The following HEATR5A variants were observed in gnomAD, a reference collection of about 807,000 sequenced individuals.
HEATR5A encodes the protein HEAT repeat-containing protein 5A.
A neutral mutation model predicts 218.8 loss-of-function variants in HEATR5A; 178 were observed. The ratio of observed to expected loss-of-function variants is 0.81; its 90% CI spans 0.72 to 0.92. HEATR5A has a LOEUF of 0.92. Among genes scored for constraint, HEATR5A ranks in the 40% least tolerant of loss-of-function variants. The pLI is 0.00. For missense variants in HEATR5A, 2,420 were observed against 2,418.9 expected (o/e 1.00, Z -0.01); for synonymous variants, 864 against 871.6 (o/e 0.99, Z 0.15).
Position 31,367,422 on chromosome 14 carries a change from T to TG in HEATR5A, c.1962-3125dup, listed in dbSNP as rs528431876. 3.9e-3 allele frequency among the ~76,000 whole-genome samples: 589 copies of TG among 152,080 alleles called. 3 individuals are homozygous for TG. The highest frequency in any genetic ancestry group is 0.01 in the Middle Eastern group (3 of 294). ...TTATTTATTTATTTATTTTTTGAGA[T>TG]GGAGTCTCACTCTGTTACCCAGGCT... On this transcript the variant is annotated intron_variant, in intron 13 of 35. Transcript: ENST00000543095.
At chr14:31,391,298 C>T (rs957598640) in intron 6 of HEATR5A, among the ~76,000 whole-genome samples, 1 of 152,084 alleles carries the variant, frequency 6.6e-6, no homozygotes, top group African/African-American at 2.4e-5. Flanking sequence ...CACCACGTCC[C>T]GCTAATTTTT....
chr14:31,384,916 TAACC>T (rs1566777305), intron 9 of HEATR5A, among the ~76,000 whole-genome samples: 1 of 152,154 alleles, frequency 6.6e-6, no homozygotes, highest in African/African-American at 2.4e-5. Context: ...AGTGGGCTAC[TAACC>T]AACTAACTAC....
At chr14:31,406,147 G>C (rs1389228870) in intron 1 of HEATR5A, among the ~76,000 whole-genome samples, 1 of 152,118 alleles carries the variant, frequency 6.6e-6, no homozygotes, top group African/African-American at 2.4e-5. Context: ...TTCAGTCAAT[G>C]TTATCTGCTA....
rs1365567100 is a variant in HEATR5A at position 31,322,025 on chromosome 14, A to G, written c.3788-345T>C. 2.6e-5 allele frequency among the ~76,000 whole-genome samples: 4 copies of G among 152,230 alleles called. No homozygotes were observed. In the East Asian group the frequency reaches 7.7e-4, roughly 29 times the overall value. ...AGGAGACTTTGGGCTTTGACTAATT[A>G]AGCAGAAATTTATTTTCTTTATGTC... On this transcript the variant is annotated intron_variant, in intron 24 of 35. Transcript: ENST00000543095.
intron 11 of HEATR5A, among the ~76,000 whole-genome samples, chr14:31,375,731 C>A (rs989046628): frequency 2.0e-5 from 3 of 152,074 alleles, no homozygotes; most frequent in Non-Finnish European, 4.4e-5. Flanking sequence ...CTTCTGATAG[C>A]AACTTGTTCC....
In HEATR5A at chr14:31,337,472, T is replaced by C; in HGVS notation, c.3367+4A>G. 6.5e-7 allele frequency: 1 copy of C among 1,547,524 alleles called. No homozygotes were observed. The highest frequency in any genetic ancestry group is 2.4e-5 in the East Asian group (1 of 40,912). Reference sequence around the variant, plus strand: ...CTGGACATAATCTTGATCAAGAGAATTACCTGGAGTCAACTCTTCTCTGCT... The same window carrying C: ...CTGGACATAATCTTGATCAAGAGAACTACCTGGAGTCAACTCTTCTCTGCT... On this transcript the variant is annotated splice_donor_region_variant and intron_variant, in intron 22 of 35. Coordinates refer to ENST00000543095, the MANE Select transcript of HEATR5A (RefSeq NM_015473.4).
intron 2 of HEATR5A, 41 bp downstream of exon 2, chr14:31,402,809 G>A (rs1351923936): frequency 2.0e-6 from 3 of 1,528,328 alleles, no homozygotes; most frequent in East Asian, 2.5e-5. Context: ...AAGTAAACAT[G>A]GGCACTTAAA....
intron 16 of HEATR5A, among the ~76,000 whole-genome samples, chr14:31,351,307 C>T (rs1208393130): frequency 6.6e-6 from 1 of 151,984 alleles, no homozygotes; most frequent in Non-Finnish European, 1.5e-5. Flanking sequence ...GCCTGGGCAA[C>T]ACAGTGAGAC....
In HEATR5A at chr14:31,345,093, G is replaced by C. The variant is rs2139207596; in HGVS notation, c.3052C>G (p.Leu1018Val). Residue 1018 changes from leucine (L) to valine (V), a missense_variant, in exon 20 of 36, where the codon CTA becomes GTA. Physicochemically the swap from Leu to Val is conservative, Grantham distance 32 (BLOSUM62 1). Transcript: ENST00000543095. ...NALITTLGPE[L>V]QGNSTSISTL... ...CAAAAGCAGCTATGCACACCTTGTAGCTCTGGACCTAACGTGGTAATAAGG... is the reference window on the plus strand; with the variant it reads ...CAAAAGCAGCTATGCACACCTTGTACCTCTGGACCTAACGTGGTAATAAGG... The C allele has an allele frequency of 6.2e-7, 1 of 1,612,128 alleles. No individual in the cohort carries two copies. Among genetic ancestry groups the C allele is most frequent in the South Asian group, 1.1e-5 (1 of 90,738 alleles).
At chr14:31,373,000 G>A (rs1324383961) in intron 12 of HEATR5A, among the ~76,000 whole-genome samples, 1 of 148,318 alleles carries the variant, frequency 6.7e-6, no homozygotes, top group African/African-American at 2.5e-5. Flanking sequence ...ATACAGTGGT[G>A]CAACCACAAC....
Position 31,321,824 on chromosome 14 carries a change from TAG to T in HEATR5A, c.3788-146_3788-145del, listed in dbSNP as rs562982124. The T allele has an allele frequency of 3.8e-4, 244 of 637,904 alleles. 1 individual carries two copies. Among genetic ancestry groups the T allele is most frequent in the Non-Finnish European group, 5.9e-4 (218 of 371,768 alleles). 39.5% of individuals were successfully genotyped at this position (637,904 alleles called of 1,614,324 possible). ...TATACTGTTTTTGCTGTTTGTTAAA[TAG>T]AGACTTTAAAGCTGGATTTAATGTA... On this transcript the variant is annotated intron_variant, in intron 24 of 35. Coordinates refer to ENST00000543095, the MANE Select transcript of HEATR5A (RefSeq NM_015473.4).
rs774412391 is a variant in HEATR5A at position 31,350,643 on chromosome 14, T to C, written c.2486A>G (p.His829Arg). The change falls in exon 17 of 36, where the codon CAT becomes CGT. Residue 829 changes from histidine (H) to arginine (R), a missense_variant. Physicochemically the swap from His to Arg is conservative, Grantham distance 29. Transcript: ENST00000543095. ...GAAACTAGAAACTGAAGAAACAACA[T>C]GTAACTGAACCACTTGCTGACGAGC... Reference protein sequence around the residue: ...KGARQQVVQLHVVSSVSSFLK... With the variant: ...KGARQQVVQLRVVSSVSSFLK... 7 of 1,598,760 alleles carry C rather than the reference T, an allele frequency of 4.4e-6. No individual in the cohort carries two copies. The Admixed American group carries it at 8.6e-5, about 20-fold the overall frequency.
chr14:31,358,504 T>C (rs1901503954), intron 16 of HEATR5A, 133 bp downstream of exon 16: 2 of 810,254 alleles, frequency 2.5e-6, no homozygotes, highest in Non-Finnish European at 3.9e-6. Context: ...AAGTGAATAA[T>C]TAAACAAAAA....
Position 31,383,666 on chromosome 14 carries a change from A to T in HEATR5A, c.1451T>A (p.Leu484Gln). The T allele has an allele frequency of 6.2e-7, 1 of 1,613,984 alleles. No homozygotes were observed. ...AAGGCAACGATCCAAGAGTGGTGTT[A>T]GGTAGGAGGGTAATGCCACGGCAAT... ...HCIAVALPSY[L>Q]TPLLDRCLER... is the part of the protein sequence containing the mutation. Residue 484 changes from leucine to glutamine, a missense_variant, in exon 10 of 36, where the codon CTA becomes CAA. Leu to Gln is a moderately radical substitution (Grantham distance 113, BLOSUM62 -2). Transcript: ENST00000543095.
intron 13 of HEATR5A, among the ~76,000 whole-genome samples, chr14:31,366,954 C>T (rs188748883): frequency 2.0e-5 from 3 of 152,178 alleles, no homozygotes; most frequent in Non-Finnish European, 2.9e-5. Context: ...CTGGAGCAAA[C>T]ACCATCCTAT....
In HEATR5A at chr14:31,418,598, T is replaced by C. The variant is rs560890017; in HGVS notation, c.-75+1874A>G. On this transcript the variant is annotated intron_variant, in intron 1 of 35. Transcript: ENST00000543095. ...TACTAAGTTTTTTGGCCCCAGTTAA[T>C]TGATTTCTCAAATGAGATTTAATAA... is the stretch of plus-strand genomic sequence containing the variant. 2.0e-5 allele frequency among the ~76,000 whole-genome samples: 3 copies of C among 152,358 alleles called. No individual in the cohort carries two copies. The South Asian group carries it at 6.2e-4, about 32-fold the overall frequency.
At chr14:31,358,508 A>G in intron 16 of HEATR5A, 129 bp downstream of exon 16, 2 of 842,546 alleles carry the variant, frequency 2.4e-6, no homozygotes, top group Non-Finnish European at 1.8e-6. Context: ...GAATAATTAA[A>G]CAAAAACTTA....
chr14:31,383,397 G>T, intron 10 of HEATR5A, 124 bp downstream of exon 10: 1 of 847,166 alleles, frequency 1.2e-6, no homozygotes, highest in African/African-American at 1.7e-5. Flanking sequence ...AATTGTAAAT[G>T]TACTTATATG....
chr14:31,409,503 C>T (rs747022449), intron 1 of HEATR5A, among the ~76,000 whole-genome samples: 6 of 152,016 alleles, frequency 3.9e-5, no homozygotes, highest in Non-Finnish European at 8.8e-5. Context: ...AGTTCATGAC[C>T]AACCTGGGCA....
Sources: allele counts gnomAD v4.1 joint callset (sites outside exome capture counted in the v4.1 genomes callset), GRCh38; gene constraint gnomAD v4.1.1; transcripts MANE v1.5; gene names NCBI Gene and HGNC (gene_info 2026-07-23, HGNC 2026-07-21).